PGM5: variants seen among roughly 807,000 people sequenced by gnomAD.
PGM5 encodes phosphoglucomutase 5, also known as phosphoglucomutase-like protein 5.
PGM5 carries 23 observed loss-of-function variants against 59.2 expected under a neutral mutation model. The ratio of observed to expected loss-of-function variants is 0.39; its 90% CI spans 0.28 to 0.55. The LOEUF (loss-of-function observed/expected upper bound fraction) is 0.55. Ranked by LOEUF, PGM5 falls within the 20% of genes least tolerant of loss-of-function variation. The probability of loss-of-function intolerance (pLI) is 0.66; values close to 1 mark genes in which losing one functional copy is unlikely to be tolerated. For synonymous variants in PGM5, 214 were observed against 286.0 expected, an observed-to-expected ratio of 0.75 and a Z score of 2.54; for missense variants, 574 against 748.3, an observed-to-expected ratio of 0.77 and a Z score of 2.72.
intron 2 of PGM5, among the ~76,000 whole-genome samples, chr9:68,380,971 C>A (rs571739886): frequency 1.8e-4 from 27 of 151,878 alleles, no homozygotes; most frequent in Non-Finnish European, 3.5e-4. Flanking sequence ...AGCCTAGGAC[C>A]AAACGGCTTC....
chr9:68,519,674 G>T (rs1340968220), intron 10 of PGM5, among the ~76,000 whole-genome samples: 7 of 149,134 alleles, frequency 4.7e-5, no homozygotes, highest in South Asian at 2.1e-4. Context: ...AAAAAAAAAA[G>T]AAAAACAGCT....
intron 6 of PGM5, among the ~76,000 whole-genome samples, chr9:68,432,030 G>A (rs1198083961): frequency 3.3e-5 from 5 of 151,954 alleles, no homozygotes; most frequent in Non-Finnish European, 5.9e-5. Flanking sequence ...GAAATGGGTC[G>A]TTTTATAATT....
intron 6 of PGM5, among the ~76,000 whole-genome samples, chr9:68,456,123 A>G (rs1356457632): frequency 6.6e-6 from 1 of 152,182 alleles, no homozygotes; most frequent in Non-Finnish European, 1.5e-5. Flanking sequence ...TCTAGGAAAG[A>G]TACCAGAGAG....
intron 10 of PGM5, among the ~76,000 whole-genome samples, chr9:68,504,079 G>T (rs1587221876): frequency 6.6e-6 from 1 of 152,142 alleles, no homozygotes; most frequent in Non-Finnish European, 1.5e-5. Flanking sequence ...CTAGCAGCAG[G>T]ACCTTGAATT....
At chr9:68,519,461 A>G (rs2132118053) in intron 10 of PGM5, among the ~76,000 whole-genome samples, 1 of 152,202 alleles carries the variant, frequency 6.6e-6, no homozygotes, top group South Asian at 2.1e-4. Context: ...TTGATAGGTC[A>G]AGGATTCATG....
At chr9:68,443,895 G>A (rs1554683837) in intron 6 of PGM5, among the ~76,000 whole-genome samples, 1 of 152,188 alleles carries the variant, frequency 6.6e-6, no homozygotes, top group African/African-American at 2.4e-5. Context: ...TGTACATCAG[G>A]GATCAGGGTC....
At chr9:68,395,226 A>G (rs1178427192) in intron 6 of PGM5, among the ~76,000 whole-genome samples, 1 of 152,092 alleles carries the variant, frequency 6.6e-6, no homozygotes, top group African/African-American at 2.4e-5. Context: ...CCCATTTTTA[A>G]AAAAGAATTT....
chr9:68,468,229 G>A (rs1027123900), intron 7 of PGM5, among the ~76,000 whole-genome samples: 5 of 152,120 alleles, frequency 3.3e-5, no homozygotes, highest in African/African-American at 1.2e-4. Flanking sequence ...CCTTCTTTGT[G>A]TTCATAAATT....
In PGM5 at chr9:68,356,803, T is replaced by G; in HGVS notation, c.-325T>G. On this transcript the variant is annotated 5_prime_UTR_variant, in exon 1 of 11. Coordinates refer to ENST00000396396, the MANE Select transcript of PGM5 (RefSeq NM_021965.4). The stretch of plus-strand genomic sequence containing the variant: ...GGCTAGCAGGCCCTGGAATCAGGCT[T>G]TTGGGACACCCCGAAAGTGAGTCCA... The G allele has an allele frequency of 3.7e-6, 1 of 271,566 alleles. No homozygotes were observed. Among genetic ancestry groups the G allele is most frequent in the Non-Finnish European group, 6.9e-6 (1 of 145,954 alleles). 16.8% of individuals were successfully genotyped at this position (271,566 alleles called of 1,614,324 possible).
chr9:68,502,925 G>A (rs781966153), intron 10 of PGM5, among the ~76,000 whole-genome samples: 3 of 152,158 alleles, frequency 2.0e-5, no homozygotes, highest in African/African-American at 4.8e-5. Context: ...CTGACCTCAA[G>A]TGATCCACCC....
intron 6 of PGM5, among the ~76,000 whole-genome samples, chr9:68,419,862 C>T (rs1300189179): frequency 1.3e-5 from 2 of 152,166 alleles, no homozygotes; most frequent in Non-Finnish European, 2.9e-5. Flanking sequence ...AGATATCCCC[C>T]TCATCTCCAT....
chr9:68,507,840 C>T (rs1330712386), intron 10 of PGM5, among the ~76,000 whole-genome samples: 1 of 152,102 alleles, frequency 6.6e-6, no homozygotes, highest in Non-Finnish European at 1.5e-5. Context: ...GAAATCTGGA[C>T]TCATACTCTG....
chr9:68,503,525 A>T (rs1554688799), intron 10 of PGM5, among the ~76,000 whole-genome samples: 1 of 152,232 alleles, frequency 6.6e-6, no homozygotes, highest in Non-Finnish European at 1.5e-5. Context: ...CGATCCAGCC[A>T]AAGTTGGGGA....
intron 1 of PGM5, among the ~76,000 whole-genome samples, chr9:68,370,266 A>G (rs1355938875): frequency 6.6e-6 from 1 of 152,086 alleles, no homozygotes; most frequent in Non-Finnish European, 1.5e-5. Flanking sequence ...GTCATGCTTA[A>G]TTTTCTTTTC....
At chr9:68,367,570 C>A (rs1834704411) in intron 1 of PGM5, among the ~76,000 whole-genome samples, 1 of 152,184 alleles carries the variant, frequency 6.6e-6, no homozygotes, top group Non-Finnish European at 1.5e-5. Flanking sequence ...GGTTAGGAGG[C>A]ATAATCTTTT....
At chr9:68,474,566 GA>G (rs372793330) in intron 7 of PGM5, among the ~76,000 whole-genome samples, 3,585 of 142,770 alleles carry the variant, frequency 0.025, 50 homozygotes, top group Middle Eastern at 0.04. Flanking sequence ...TATTTCTCTA[GA>G]AAAAAAAAAA....
intron 6 of PGM5, among the ~76,000 whole-genome samples, chr9:68,442,023 C>T (rs72714318): frequency 0.038 from 5,844 of 151,968 alleles, 141 homozygotes; most frequent in East Asian, 0.089. Flanking sequence ...CATACATGAT[C>T]GATATGCTGA....
intron 9 of PGM5, among the ~76,000 whole-genome samples, chr9:68,490,778 T>C (rs1824377990): frequency 6.6e-6 from 1 of 152,222 alleles, no homozygotes; most frequent in Admixed American, 6.5e-5. Flanking sequence ...CATCTGGAAG[T>C]AGAGCCTCAG....
chr9:68,450,097 T>C (rs1823672401), intron 6 of PGM5, among the ~76,000 whole-genome samples: 1 of 152,314 alleles, frequency 6.6e-6, no homozygotes, highest in Middle Eastern at 3.4e-3. Flanking sequence ...TGAGGACCTC[T>C]TAAACACTGT....
Sources: gnomAD v4.1 joint callset for allele counts (sites outside exome capture counted in the v4.1 genomes callset) on GRCh38, gnomAD v4.1.1 for gene constraint, MANE v1.5 for transcripts, NCBI Gene and HGNC (gene_info 2026-07-23, HGNC 2026-07-21) for gene names.